Variants in AGBL4 observed in about 807,000 individuals in gnomAD.
The protein encoded by AGBL4 is AGBL carboxypeptidase 4, also known as cytosolic carboxypeptidase 6.
AGBL4 carries 58 observed loss-of-function variants against 66.4 expected under a neutral mutation model. The ratio of observed to expected loss-of-function variants is 0.87; its 90% CI spans 0.71 to 1.09. The LOEUF (loss-of-function observed/expected upper bound fraction) is 1.09, where lower values mean the gene tolerates loss of function less well. Ranked by LOEUF, AGBL4 falls within the 50% of genes least tolerant of loss-of-function variation. The probability of loss-of-function intolerance (pLI) is 0.00; values close to 1 mark genes in which losing one functional copy is unlikely to be tolerated. For missense variants in AGBL4, 579 were observed against 631.0 expected (o/e 0.92, Z 0.88); for synonymous variants, 234 against 222.9 (o/e 1.05, Z -0.44).
chr1:49,940,798 A>G (rs1654674709), intron 1 of AGBL4, among the ~76,000 whole-genome samples: 1 of 152,074 alleles, frequency 6.6e-6, no homozygotes, highest in Non-Finnish European at 1.5e-5. Context: ...ACATGTATAC[A>G]TATGTAACTA....
intron 3 of AGBL4, among the ~76,000 whole-genome samples, chr1:49,313,074 T>A (rs1644969855): frequency 6.6e-6 from 1 of 151,894 alleles, no homozygotes; most frequent in Admixed American, 6.6e-5. Context: ...CCTCCCTGTA[T>A]CCATGTGTTC....
chr1:49,924,583 G>T (rs1652581009), intron 1 of AGBL4, among the ~76,000 whole-genome samples: 1 of 151,932 alleles, frequency 6.6e-6, no homozygotes, highest in Non-Finnish European at 1.5e-5. Context: ...CATACTGCTG[G>T]TCACTGCATA....
intron 1 of AGBL4, among the ~76,000 whole-genome samples, chr1:50,021,023 A>G (rs950023879): frequency 6.6e-6 from 1 of 152,232 alleles, no homozygotes; most frequent in Non-Finnish European, 1.5e-5. Context: ...TGAATTAAAC[A>G]AAGACTGAGG....
chr1:48,596,783 T>C (rs1366473983), intron 9 of AGBL4, among the ~76,000 whole-genome samples: 5 of 152,064 alleles, frequency 3.3e-5, no homozygotes, highest in Non-Finnish European at 7.4e-5. Flanking sequence ...AGTGGCACAG[T>C]GAAGGCTTTC....
At chr1:49,547,972 C>T (rs1235083179) in intron 3 of AGBL4, among the ~76,000 whole-genome samples, 4 of 152,010 alleles carry the variant, frequency 2.6e-5, no homozygotes, top group Admixed American at 6.6e-5. Flanking sequence ...CGGGGTTTCA[C>T]CATGTTGGTG....
At chr1:50,007,498 C>T (rs2148430077) in intron 1 of AGBL4, among the ~76,000 whole-genome samples, 1 of 152,220 alleles carries the variant, frequency 6.6e-6, no homozygotes, top group Non-Finnish European at 1.5e-5. Context: ...CACGGTGGCT[C>T]ACATCCATAA....
chr1:49,141,888 A>G (rs1646124761), intron 4 of AGBL4, among the ~76,000 whole-genome samples: 1 of 152,150 alleles, frequency 6.6e-6, no homozygotes. Flanking sequence ...CTGGCTTTAT[A>G]AAGTCAGAAA....
rs374327675 is a variant in AGBL4 at position 49,839,708 on chromosome 1, G to A, written c.157+11688C>T. Among the ~76,000 whole-genome samples, 18 of 152,282 alleles carry A rather than the reference G, an allele frequency of 1.2e-4. No homozygotes were observed. In the South Asian group the frequency reaches 3.5e-3, roughly 30 times the overall value. On this transcript the variant is annotated intron_variant, in intron 2 of 13. Transcript: ENST00000371839. ...CAAGTCCAAGGGGACCCATGTTGAG[G>A]ACCTTATATAGGATAGAAGCTACAG...
intron 1 of AGBL4, among the ~76,000 whole-genome samples, chr1:49,922,409 C>T (rs1286429956): frequency 2.0e-5 from 3 of 152,260 alleles, no homozygotes; most frequent in Middle Eastern, 3.4e-3. Context: ...CAAGGATGCC[C>T]TCTCTCACCA....
Position 48,579,000 on chromosome 1 carries a change from G to A in AGBL4, c.1267+8004C>T, listed in dbSNP as rs192408411. 6.6e-5 allele frequency among the ~76,000 whole-genome samples: 10 copies of A among 152,118 alleles called. 1 individual carries two copies. Among genetic ancestry groups the A allele is most frequent in the African/African-American group, 4.8e-5 (2 of 41,510 alleles). ...CTTCATTGTGACTTTATAGTACCTC[G>A]TAGAAAAATCTATGTTGAGTCTATC... On this transcript the variant is annotated intron_variant, in intron 11 of 13. Coordinates refer to ENST00000371839, the MANE Select transcript of AGBL4 (RefSeq NM_032785.4).
intron 6 of AGBL4, among the ~76,000 whole-genome samples, chr1:48,699,997 T>A (rs1006177168): frequency 2.0e-5 from 3 of 151,996 alleles, no homozygotes; most frequent in African/African-American, 7.2e-5. Context: ...GGTCTCAAAC[T>A]CAAACTCCTT....
At chr1:49,238,272 C>T (rs954747494) in intron 4 of AGBL4, among the ~76,000 whole-genome samples, 4 of 152,110 alleles carry the variant, frequency 2.6e-5, no homozygotes, top group African/African-American at 9.7e-5. Flanking sequence ...TTTTTAGTCT[C>T]ACTCTCTCCT....
intron 3 of AGBL4, among the ~76,000 whole-genome samples, chr1:49,379,656 G>A (rs1030439305): frequency 5.0e-4 from 76 of 152,146 alleles, no homozygotes; most frequent in African/African-American, 1.8e-3. Flanking sequence ...TTTGTCTTTG[G>A]TTCTTTTTAT....
chr1:49,935,372 T>G (rs1653866983), intron 1 of AGBL4, among the ~76,000 whole-genome samples: 3 of 152,246 alleles, frequency 2.0e-5, no homozygotes. Context: ...CAAGGTTGCC[T>G]GCCTGCCTCT....
rs533869730 is a variant in AGBL4 at position 49,866,944 on chromosome 1, T to C, written c.35-15426A>G. Reference sequence around the variant, plus strand: ...GTGTGGTGAATCTCCTGAGGCCTTGTAAGCCTGAGGACATTTTAATCTCGT... The same window carrying C: ...GTGTGGTGAATCTCCTGAGGCCTTGCAAGCCTGAGGACATTTTAATCTCGT... On this transcript the variant is annotated intron_variant, in intron 1 of 13. Coordinates refer to ENST00000371839, the MANE Select transcript of AGBL4 (RefSeq NM_032785.4). Among the ~76,000 whole-genome samples, 34 of 152,284 alleles carry C rather than the reference T, an allele frequency of 2.2e-4. 1 individual carries two copies. The highest frequency in any genetic ancestry group is 7.5e-4 in the African/African-American group (31 of 41,562).
chr1:49,749,274 A>T (rs1571478086), intron 2 of AGBL4, among the ~76,000 whole-genome samples: 1 of 152,090 alleles, frequency 6.6e-6, no homozygotes, highest in African/African-American at 2.4e-5. Context: ...TCCTTTCCCC[A>T]TTGCTTGTTT....
intron 6 of AGBL4, among the ~76,000 whole-genome samples, chr1:48,777,592 A>G (rs530753629): frequency 1.3e-5 from 2 of 152,246 alleles, no homozygotes; most frequent in African/African-American, 4.8e-5. Flanking sequence ...TAGAGCTGCC[A>G]AACCAGTTCT....
intron 6 of AGBL4, among the ~76,000 whole-genome samples, chr1:48,830,205 G>A (rs957362515): frequency 5.9e-5 from 9 of 152,168 alleles, no homozygotes; most frequent in African/African-American, 2.2e-4. Flanking sequence ...TATAAAATGA[G>A]GCTAGAAATA....
intron 5 of AGBL4, among the ~76,000 whole-genome samples, chr1:48,882,689 C>T (rs1048146492): frequency 7.9e-5 from 12 of 152,080 alleles, no homozygotes; most frequent in African/African-American, 2.7e-4. Context: ...TTATTGTCAC[C>T]ATGCTGTACA....
Sources: allele counts gnomAD v4.1 joint callset (sites outside exome capture counted in the v4.1 genomes callset), GRCh38; gene constraint gnomAD v4.1.1; transcripts MANE v1.5; gene names NCBI Gene and HGNC (gene_info 2026-07-23, HGNC 2026-07-21).